Variants in ATP10A observed in about 807,000 individuals in gnomAD.
The protein encoded by ATP10A is phospholipid-transporting ATPase VA.
In ATP10A, 111 loss-of-function variants were observed where a neutral mutation model predicts 147.8. The observed-to-expected ratio is 0.75, with a 90% CI of 0.64 to 0.88. The LOEUF (loss-of-function observed/expected upper bound fraction) is 0.88, where lower values mean the gene tolerates loss of function less well. Ranked by LOEUF, ATP10A falls within the 40% of genes least tolerant of loss-of-function variation. The pLI is 0.00. For missense variants in ATP10A, 1,927 were observed against 1,959.0 expected (o/e 0.98, Z 0.31); for synonymous variants, 875 against 841.6 (o/e 1.04, Z -0.69).
downstream of ATP10A, among the ~76,000 whole-genome samples, chr15:25,673,098 C>T (rs1899073613): frequency 6.6e-6 from 1 of 152,086 alleles, no homozygotes; most frequent in Non-Finnish European, 1.5e-5. Context: ...CAGGGCCCCT[C>T]AGGGGCTCTG....
intron 1 of ATP10A, among the ~76,000 whole-genome samples, chr15:25,786,548 G>A (rs1206339271): frequency 1.3e-5 from 2 of 150,870 alleles, no homozygotes; most frequent in Admixed American, 1.3e-4. Context: ...GCTTGGGACA[G>A]GTCTTTAGGC....
At chr15:25,850,722 C>G (rs1893257708) in intron 1 of ATP10A, among the ~76,000 whole-genome samples, 1 of 151,630 alleles carries the variant, frequency 6.6e-6, no homozygotes. Context: ...CCTGGCCGCG[C>G]TCACCTCCCC....
chr15:25,686,026 AAGG>A (rs921643984), intron 16 of ATP10A, among the ~76,000 whole-genome samples: 1 of 152,042 alleles, frequency 6.6e-6, no homozygotes, highest in Non-Finnish European at 1.5e-5. Context: ...GGCTGGGAGA[AAGG>A]AGGTATGAGC....
intron 1 of ATP10A, among the ~76,000 whole-genome samples, chr15:25,815,048 C>G (rs1037559958): frequency 1.3e-5 from 2 of 152,142 alleles, no homozygotes; most frequent in African/African-American, 4.8e-5. Context: ...AGATGCCCAA[C>G]AGAATGTCCT....
At chr15:25,716,432 C>T (rs1241441726) in intron 9 of ATP10A, among the ~76,000 whole-genome samples, 1 of 152,176 alleles carries the variant, frequency 6.6e-6, no homozygotes, top group Non-Finnish European at 1.5e-5. Flanking sequence ...CTGAGGCTGG[C>T]CTATCTGGCT....
At chr15:25,749,621 C>T (rs1445945933) in intron 2 of ATP10A, among the ~76,000 whole-genome samples, 2 of 151,986 alleles carry the variant, frequency 1.3e-5, no homozygotes, top group African/African-American at 2.4e-5. Flanking sequence ...ATCAGGCATG[C>T]AAAGAAGAAA....
At chr15:25,721,541 AGCGT>A in intron 7 of ATP10A, 112 bp downstream of exon 7, 3 of 1,194,706 alleles carry the variant, frequency 2.5e-6, no homozygotes, top group Non-Finnish European at 3.5e-6. Flanking sequence ...TAATCCCTGA[AGCGT>A]GTGTGTGTGT....
In ATP10A at chr15:25,718,213, A is replaced by G. The variant is rs1458420251; in HGVS notation, c.1550T>C (p.Leu517Pro). 6 of 1,612,992 alleles carry G rather than the reference A, an allele frequency of 3.7e-6. No homozygotes were observed. Among genetic ancestry groups the G allele is most frequent in the Non-Finnish European group, 4.2e-6 (5 of 1,179,988 alleles). The part of the protein sequence containing the change: ...SRAEAKRASM[L>P]SKHTAFSSPM... ...GCTGCTGAAGGCCGTGTGCTTGGAC[A>G]GCATGCTGGCCCTCTTGGCCTCGGC... Residue 517 changes from leucine to proline, a missense_variant, in exon 8 of 21, where the codon CTG (leucine) becomes CCG (proline). Transcript: ENST00000555815.
rs192688930 is a variant in ATP10A at position 25,745,257 on chromosome 15, C to T, written c.655-9116G>A. On this transcript the variant is annotated intron_variant, in intron 2 of 20. Transcript: ENST00000555815. ...AGGAGAATCACTTGAACCCAGGAGG[C>T]GGAGGTTGCAGCTTGAACCCAGGAG... 3.9e-3 allele frequency among the ~76,000 whole-genome samples: 586 copies of T among 151,734 alleles called. 3 individuals are homozygous for T. The highest frequency in any genetic ancestry group is 0.013 in the African/African-American group (552 of 41,342).
At chr15:25,820,133 G>A (rs541826751) in intron 1 of ATP10A, among the ~76,000 whole-genome samples, 1 of 152,116 alleles carries the variant, frequency 6.6e-6, no homozygotes, top group East Asian at 1.9e-4. Flanking sequence ...AATACATATA[G>A]ATAAATAAAA....
intron 2 of ATP10A, among the ~76,000 whole-genome samples, chr15:25,762,403 A>G (rs1888807686): frequency 6.6e-6 from 1 of 152,118 alleles, no homozygotes; most frequent in African/African-American, 2.4e-5. Context: ...CAGCCTCCCG[A>G]GTAGGTGGGA....
chr15:25,683,530 C>T (rs1224292996), intron 16 of ATP10A, 44 bp from the exon 17 acceptor site: 1 of 1,544,870 alleles, frequency 6.5e-7, no homozygotes, highest in Non-Finnish European at 8.8e-7. Context: ...AGTCTTCAGC[C>T]ATTGCTGAGG....
chr15:25,825,202 G>A (rs1004133658), intron 1 of ATP10A, among the ~76,000 whole-genome samples: 2 of 152,094 alleles, frequency 1.3e-5, no homozygotes, highest in South Asian at 2.1e-4. Flanking sequence ...TAGGAAAAGC[G>A]TTTTCACTTG....
In ATP10A at chr15:25,771,411, A is replaced by C. The variant is rs191215653; in HGVS notation, c.654+9608T>G. Among the ~76,000 whole-genome samples the C allele has an allele frequency of 2.8e-3, 432 of 152,242 alleles. 2 individuals are homozygous for C. The highest frequency in any genetic ancestry group is 3.8e-3 in the Non-Finnish European group (260 of 68,014). On this transcript the variant is annotated intron_variant, in intron 2 of 20. Coordinates refer to ENST00000555815, the MANE Select transcript of ATP10A (RefSeq NM_024490.4). ...ATAGTGAGACCTTCCTATCTCTATA[A>C]AAAATAAAAAGAAAAACATTAGGTC... is the stretch of plus-strand genomic sequence containing the variant.
intron 5 of ATP10A, 46 bp from the exon 6 acceptor site, chr15:25,724,067 T>C (rs1902405765): frequency 6.9e-7 from 1 of 1,453,388 alleles, no homozygotes; most frequent in Non-Finnish European, 9.1e-7. Context: ...AATGGAAAAA[T>C]AAGAATATTG....
In ATP10A at chr15:25,694,960, G is replaced by C. The variant is rs746656261; in HGVS notation, c.2947C>G (p.Leu983Val). 3.1e-6 allele frequency: 5 copies of C among 1,614,218 alleles called. No individual in the cohort carries two copies. The highest frequency in any genetic ancestry group is 4.2e-6 in the Non-Finnish European group (5 of 1,180,042). ...VIDGRSLAYA[L>V]EKNLEDKFLF... ...AATTTGTCCTCCAGGTTTTTCTCGA[G>C]AGCGTAGGCCAGGCTTCTCCCATCG... Residue 983 changes from leucine to valine, a missense_variant, in exon 14 of 21, where the codon CTC becomes GTC. By Grantham distance (32) the Leu-to-Val change is conservative (BLOSUM62 1). Transcript: ENST00000555815.
intron 1 of ATP10A, among the ~76,000 whole-genome samples, chr15:25,787,221 G>C (rs559656161): frequency 3.3e-5 from 5 of 152,252 alleles, no homozygotes; most frequent in Admixed American, 3.3e-4. Flanking sequence ...ATCTCATGAA[G>C]ACTATAAAGT....
At chr15:25,676,978 T>G (rs190597749), downstream of ATP10A, among the ~76,000 whole-genome samples, 33 of 152,270 alleles carry the variant, frequency 2.2e-4, no homozygotes, top group Non-Finnish European at 4.7e-4. Flanking sequence ...TCTTCAAACA[T>G]TTTCTCAGCA....
chr15:25,757,290 C>A (rs542386926), intron 2 of ATP10A, among the ~76,000 whole-genome samples: 1 of 151,868 alleles, frequency 6.6e-6, no homozygotes, highest in African/African-American at 2.4e-5. Flanking sequence ...AATTTAAATC[C>A]ATAAAATATT....
Sources: gnomAD v4.1 joint callset for allele counts (sites outside exome capture counted in the v4.1 genomes callset) on GRCh38, gnomAD v4.1.1 for gene constraint, MANE v1.5 for transcripts, NCBI Gene and HGNC (gene_info 2026-07-23, HGNC 2026-07-21) for gene names.